The following DPH7 variants were observed in gnomAD, a reference collection of about 807,000 sequenced individuals.
DPH7 encodes diphthamide biosynthesis 7, also known as diphthine methyltransferase.
DPH7 carries 44 observed loss-of-function variants against 41.7 expected under a neutral mutation model. The ratio of observed to expected loss-of-function variants is 1.05; its 90% CI spans 0.83 to 1.36. The LOEUF (loss-of-function observed/expected upper bound fraction) is 1.36, where lower values mean the gene tolerates loss of function less well. Ranked by LOEUF, DPH7 falls within the 40% of genes most tolerant of loss-of-function variation. DPH7 has a pLI of 0.00. For synonymous variants in DPH7, 275 were observed against 238.0 expected, an observed-to-expected ratio of 1.16 and a Z score of -1.43; for missense variants, 629 against 577.5, an observed-to-expected ratio of 1.09 and a Z score of -0.91.
At chr9:137,572,613 C>T (rs2259872) in intron 5 of DPH7, among the ~76,000 whole-genome samples, 8,508 of 152,214 alleles carry the variant, frequency 0.056, 764 homozygotes, top group African/African-American at 0.19. Flanking sequence ...GCAAATTCAG[C>T]AGCTCCTCTT....
intron 8 of DPH7, 72 bp downstream of exon 8, chr9:137,564,362 A>T: frequency 6.6e-7 from 1 of 1,525,068 alleles, no homozygotes; most frequent in Non-Finnish European, 8.9e-7. Flanking sequence ...CTGAGGGAAG[A>T]GCCCAGCAGA....
chr9:137,576,042 G>A (rs186458605), intron 3 of DPH7, 38 bp downstream of exon 3: 27 of 1,613,354 alleles, frequency 1.7e-5, no homozygotes, highest in Middle Eastern at 3.3e-4. Flanking sequence ...CTCTATTCAG[G>A]TCCCTTCTGC....
chr9:137,574,820 C>A lies in DPH7; in HGVS notation c.399G>T (p.Leu133Phe), dbSNP rs769531792. The A allele has an allele frequency of 1.1e-5, 17 of 1,613,864 alleles. 1 individual carries two copies. In the South Asian group the frequency reaches 1.8e-4, roughly 17 times the overall value. The change falls in exon 4 of 9, where the codon TTG becomes TTT. Residue 133 changes from leucine (L) to phenylalanine (F), a missense_variant. Coordinates refer to ENST00000277540, the MANE Select transcript of DPH7 (RefSeq NM_138778.5). ...ESEKSHVLEP[L>F]SSLALEEQCL... ...ACTGCTCCTCCAGGGCAAGGCTGGACAATGGCTCCAGCACGTGGCTCTTCT... is the reference window on the plus strand; with the variant it reads ...ACTGCTCCTCCAGGGCAAGGCTGGAAAATGGCTCCAGCACGTGGCTCTTCT...
At chr9:137,576,597 G>A (rs191558541) in intron 2 of DPH7, among the ~76,000 whole-genome samples, 39 of 152,160 alleles carry the variant, frequency 2.6e-4, no homozygotes, top group Admixed American at 4.6e-4. Context: ...AAACAAAAAT[G>A]AGGTGTGGTA....
At chr9:137,576,786 A>C (rs1015145508) in intron 2 of DPH7, among the ~76,000 whole-genome samples, 1 of 151,942 alleles carries the variant, frequency 6.6e-6, no homozygotes, top group Non-Finnish European at 1.5e-5. Context: ...GCTCTTAGGG[A>C]GGCTGACGCA....
chr9:137,554,990 A>T lies in DPH7; in HGVS notation c.*249T>A, dbSNP rs549613882. On this transcript the variant is annotated 3_prime_UTR_variant, in exon 9 of 9. Transcript: ENST00000277540. ...CAAAATCTGCCTGAGAAACTTAACA[A>T]ATCTGCAAGCTGGAAACCGCGTCTT... is the stretch of plus-strand genomic sequence containing the variant. The T allele has an allele frequency of 2.4e-6, 1 of 408,670 alleles. No individual in the cohort carries two copies. Among genetic ancestry groups the T allele is most frequent in the Admixed American group, 4.3e-5 (1 of 23,286 alleles). The allele number at this position is 408,670 out of a possible 1,614,324, so 25.3% of individuals were successfully genotyped here. A position where few individuals can be genotyped will look rare whatever the true frequency, so the allele number is the denominator to read the frequency against.
At position 137,555,589 on chromosome 9, in the gene DPH7, C is replaced by A; in HGVS notation, c.1009G>T (p.Gly337Ter). ...SHTLPDSLVY[G>*]ADWSWLLFRS... is the part of the protein sequence containing the mutation. ...AAGAGCAGCCAGGACCAGTCGGCTC[C>A]ATACACCAGCGAGTCGGGCAATGTG... is the stretch of plus-strand genomic sequence containing the variant. The change falls in exon 9 of 9, where the codon GGA becomes TGA. Residue 337 changes from glycine to a stop codon, truncating the protein, a stop_gained. Transcript: ENST00000277540. LOFTEE classifies it low-confidence loss of function (END_TRUNC). 6.2e-7 allele frequency: 1 copy of A among 1,613,180 alleles called. No individual in the cohort carries two copies. Among genetic ancestry groups the A allele is most frequent in the Admixed American group, 1.7e-5 (1 of 59,966 alleles).
Position 137,577,749 on chromosome 9 carries a change from C to T in DPH7, c.154-146G>A, listed in dbSNP as rs891806029. 3.0e-5 allele frequency: 34 copies of T among 1,123,530 alleles called. 1 individual carries two copies. The African/African-American group carries it at 4.9e-4, about 16-fold the overall frequency. The allele number at this position is 1,123,530 out of a possible 1,614,324, so 69.6% of individuals were successfully genotyped here. On this transcript the variant is annotated intron_variant, in intron 1 of 8. Transcript: ENST00000277540. ...GAAGGAGAACCTCTGGTTTTCTGAG[C>T]TGGAGAAACGTCTATTAATGAGTAG...
At position 137,578,892 on chromosome 9, in the gene DPH7, G is replaced by C. The variant is rs1261378856; in HGVS notation, c.-115C>G. The C allele has an allele frequency of 4.4e-6, 5 of 1,130,018 alleles. No individual in the cohort carries two copies. The Admixed American group carries it at 2.1e-4, about 48-fold the overall frequency. 70.0% of individuals were successfully genotyped at this position (1,130,018 alleles called of 1,614,324 possible). ...GGCCGGACGAGCGCAGAGCCCCAGG[G>C]ACACCGTCAGCGCGGGCCGCCTCTC... On this transcript the variant is annotated 5_prime_UTR_variant, in exon 1 of 9. Coordinates refer to ENST00000277540, the MANE Select transcript of DPH7 (RefSeq NM_138778.5).
intron 3 of DPH7, 110 bp from the exon 4 acceptor site, chr9:137,574,953 G>T (rs943536693): frequency 1.3e-6 from 2 of 1,536,526 alleles, no homozygotes; most frequent in East Asian, 2.3e-5. Context: ...CAACCTATGC[G>T]AATGAAGTAC....
chr9:137,564,342 G>A, intron 8 of DPH7, 92 bp downstream of exon 8: 1 of 1,462,802 alleles, frequency 6.8e-7, no homozygotes, highest in Non-Finnish European at 9.2e-7. Context: ...CAGAGCAAGG[G>A]AGCAGGGAGC....
chr9:137,559,941 C>T (rs563551648), intron 8 of DPH7, among the ~76,000 whole-genome samples: 27 of 152,178 alleles, frequency 1.8e-4, no homozygotes, highest in Non-Finnish European at 3.2e-4. Context: ...CTCTCGTCGC[C>T]GCACACAGGG....
At chr9:137,563,953 C>G (rs1009729727) in intron 8 of DPH7, among the ~76,000 whole-genome samples, 1 of 152,308 alleles carries the variant, frequency 6.6e-6, no homozygotes, top group Admixed American at 6.5e-5. Context: ...TTCTCCGGCT[C>G]AACCAGAATC....
intron 8 of DPH7, among the ~76,000 whole-genome samples, chr9:137,561,542 CAAAAAAAA>C (rs557915176): frequency 5.7e-5 from 3 of 52,274 alleles, no homozygotes; most frequent in Admixed American, 2.6e-4. Flanking sequence ...GACTCCATCT[CAAAAAAAA>C]AAAAAAAAAA....
chr9:137,559,836 G>A (rs770588914), intron 8 of DPH7, among the ~76,000 whole-genome samples: 5 of 152,184 alleles, frequency 3.3e-5, no homozygotes, highest in East Asian at 1.9e-4. Flanking sequence ...CCAAACATTC[G>A]GGGCCACTAC....
rs1837527778 is a variant in DPH7, at chr9:137,556,515, A to C, written c.950-867T>G. On this transcript the variant is annotated intron_variant, in intron 8 of 8. Coordinates refer to ENST00000277540, the MANE Select transcript of DPH7 (RefSeq NM_138778.5). The surrounding 1 kb of genome is among the most constrained non-coding windows in gnomAD (Gnocchi z 5.2). ...GAAGAAGGGCTGAGGGCAGAACAGGACCGCACTGGATTACAAAACGTGCCG... is the reference window on the plus strand; with the variant it reads ...GAAGAAGGGCTGAGGGCAGAACAGGCCCGCACTGGATTACAAAACGTGCCG... The C allele has an allele frequency of 3.6e-6, 1 of 274,348 alleles. No homozygotes were observed. The highest frequency in any genetic ancestry group is 3.4e-5 in the South Asian group (1 of 29,558). The allele number at this position is 274,348 out of a possible 1,614,324, so 17.0% of individuals were successfully genotyped here.
chr9:137,556,995 C>T lies in DPH7; in HGVS notation c.950-1347G>A, dbSNP rs1386074581. The T allele has an allele frequency of 6.9e-6, 3 of 437,170 alleles. No homozygotes were observed. Among genetic ancestry groups the T allele is most frequent in the East Asian group, 7.0e-5 (1 of 14,340 alleles). The allele number at this position is 437,170 out of a possible 1,614,324, so 27.1% of individuals were successfully genotyped here. A position where few individuals can be genotyped will look rare whatever the true frequency, so the allele number is the denominator to read the frequency against. On this transcript the variant is annotated intron_variant, in intron 8 of 8. Coordinates refer to ENST00000277540, the MANE Select transcript of DPH7 (RefSeq NM_138778.5). This position sits in a 1 kb window ranked among gnomAD's most constrained non-coding sequence, Gnocchi z 5.2. ...TTTTCAAGACAGGACCTCACTCTGT[C>T]GCATAGGCTGGAGTGCACTGACCTG...
In DPH7 at chr9:137,576,077, G is replaced by A. The variant is rs1328745255; in HGVS notation, c.375+3C>T. The stretch of plus-strand genomic sequence containing the variant: ...CCCCACAGAACAAGTGCAAGTCACT[G>A]ACCTCAGATTCCACCAGGCGGAGCA... On this transcript the variant is annotated splice_donor_region_variant and intron_variant, in intron 3 of 8. Transcript: ENST00000277540. The A allele has an allele frequency of 2.5e-6, 4 of 1,613,870 alleles. No individual in the cohort carries two copies. Among genetic ancestry groups the A allele is most frequent in the Admixed American group, 1.7e-5 (1 of 60,024 alleles).
At chr9:137,560,229 C>T (rs1296490599) in intron 8 of DPH7, among the ~76,000 whole-genome samples, 3 of 152,034 alleles carry the variant, frequency 2.0e-5, no homozygotes, top group African/African-American at 4.8e-5. Flanking sequence ...GAAACACCAC[C>T]GAGGGCCTCT....
Sources: gnomAD v4.1 joint callset for allele counts (sites outside exome capture counted in the v4.1 genomes callset) on GRCh38, gnomAD v4.1.1 for gene constraint, Gnocchi (gnomAD v3.1) non-coding constraint, MANE v1.5 for transcripts, NCBI Gene and HGNC (gene_info 2026-07-23, HGNC 2026-07-21) for gene names.